NDUFS2: variants seen among roughly 807,000 people sequenced by gnomAD.
NDUFS2 encodes NADH:ubiquinone oxidoreductase core subunit S2.
NDUFS2 carries 38 observed loss-of-function variants against 69.6 expected under a neutral mutation model. That is an observed-to-expected ratio of 0.55 (90% CI 0.42 to 0.72). The LOEUF is 0.72. Ranked by LOEUF, NDUFS2 falls within the 30% of genes least tolerant of loss-of-function variation. The probability of loss-of-function intolerance (pLI) is 0.00; values close to 1 mark genes in which losing one functional copy is unlikely to be tolerated. For missense variants in NDUFS2, 468 were observed against 595.0 expected (o/e 0.79, Z 2.22); for synonymous variants, 194 against 211.2 (o/e 0.92, Z 0.70).
chr1:161,214,113 G>C (rs1355843065), intron 13 of NDUFS2, 43 bp from the exon 14 acceptor site: 1 of 1,613,884 alleles, frequency 6.2e-7, no homozygotes, highest in Non-Finnish European at 8.5e-7. Flanking sequence ...CTCACAACAG[G>C]AAGATAAGTA....
chr1:161,213,848 A>T lies in NDUFS2; in HGVS notation c.1297-16A>T, dbSNP rs1291525025. ...GCAAGTCTTAACTAACATTGTTGCC[A>T]TCTCAATCTCCCTAGGCTGGTTTGG... On this transcript the variant is annotated splice_polypyrimidine_tract_variant and intron_variant, in intron 12 of 13. Coordinates refer to ENST00000676972, the MANE Select transcript of NDUFS2 (RefSeq NM_001377299.1). 6.2e-7 allele frequency: 1 copy of T among 1,614,116 alleles called. No homozygotes were observed.
At chr1:161,214,080 A>G (rs1665919360) in intron 13 of NDUFS2, 76 bp from the exon 14 acceptor site, 1 of 1,613,534 alleles carries the variant, frequency 6.2e-7, no homozygotes, top group South Asian at 1.1e-5. Context: ...CTTGGGTAAC[A>G]CCACTTTTTT....
At chr1:161,203,046 C>G (rs759049459) in intron 1 of NDUFS2, among the ~76,000 whole-genome samples, 3 of 152,140 alleles carry the variant, frequency 2.0e-5, no homozygotes, top group Non-Finnish European at 4.4e-5. Context: ...GTGGCTCACA[C>G]CTGTAATCCC....
chr1:161,206,419 C>T lies in NDUFS2; in HGVS notation c.215C>T (p.Pro72Leu), dbSNP rs1163940367. Reference protein sequence around the residue: ...KPPPWNDVDPPKDTIVKNITL... With the variant: ...KPPPWNDVDPLKDTIVKNITL... ...TCTTACTTCTCAGATGTGGACCCTC[C>T]AAAGGACACAATTGTGAAGAACATT... Residue 72 changes from proline to leucine, a missense_variant, in exon 3 of 14, where the codon CCA (proline) becomes CTA (leucine). Pro to Leu is a moderately conservative substitution (Grantham distance 98). Transcript: ENST00000676972. 2 of 1,614,224 alleles carry T rather than the reference C, an allele frequency of 1.2e-6. No homozygotes were observed. Among genetic ancestry groups the T allele is most frequent in the South Asian group, 2.2e-5 (2 of 91,084 alleles).
chr1:161,206,083 AG>A (rs2102036602), intron 2 of NDUFS2, among the ~76,000 whole-genome samples: 1 of 152,338 alleles, frequency 6.6e-6, no homozygotes, highest in East Asian at 1.9e-4. Context: ...AAAGTGCCTA[AG>A]GTAGTGCCTG....
At chr1:161,204,673 T>G (rs1665357996) in intron 2 of NDUFS2, among the ~76,000 whole-genome samples, 2 of 152,216 alleles carry the variant, frequency 1.3e-5, no homozygotes, top group Admixed American at 6.5e-5. Flanking sequence ...GCTTACCATT[T>G]GCCAAACATT....
chr1:161,198,727 G>A, upstream of NDUFS2: 1 of 1,178,938 alleles, frequency 8.5e-7, no homozygotes, highest in African/African-American at 1.5e-5. This position sits in a 1 kb window ranked among gnomAD's most constrained non-coding sequence, Gnocchi z 4.7. Context: ...TGGGGGCTTG[G>A]ACTCCTGCCA....
chr1:161,201,993 T>C, upstream of NDUFS2: 1 of 352,628 alleles, frequency 2.8e-6, no homozygotes, highest in Admixed American at 3.9e-5. Context: ...TCAGATACAA[T>C]CCGAGAGCAG....
chr1:161,205,658 C>T (rs140453429), intron 2 of NDUFS2, among the ~76,000 whole-genome samples: 15 of 152,028 alleles, frequency 9.9e-5, no homozygotes, highest in African/African-American at 3.4e-4. Context: ...GTCCCAGCTA[C>T]TCTGGAGGCT....
chr1:161,212,567 T>C, intron 10 of NDUFS2, 87 bp downstream of exon 10: 1 of 1,546,200 alleles, frequency 6.5e-7, no homozygotes, highest in Non-Finnish European at 8.7e-7. Flanking sequence ...TCCTATCTTT[T>C]GGTTTTCTTT....
At chr1:161,212,264 C>A in intron 9 of NDUFS2, 87 bp from the exon 10 acceptor site, 1 of 1,565,604 alleles carries the variant, frequency 6.4e-7, no homozygotes, top group Admixed American at 1.7e-5. Context: ...TGACCTAACC[C>A]TTTTGAGGTT....
chr1:161,207,744 TA>T (rs767558550), intron 3 of NDUFS2, among the ~76,000 whole-genome samples: 174 of 142,968 alleles, frequency 1.2e-3, no homozygotes, highest in African/African-American at 3.4e-3. Context: ...AAAAAAAGAT[TA>T]AAAAAAAAAA....
In NDUFS2 at chr1:161,213,938, G is replaced by A; in HGVS notation, c.1354+17G>A. 1 of 1,614,190 alleles carries A rather than the reference G, an allele frequency of 6.2e-7. No individual in the cohort carries two copies. The highest frequency in any genetic ancestry group is 8.5e-7 in the Non-Finnish European group (1 of 1,180,032). On this transcript the variant is annotated intron_variant, in intron 13 of 13. Transcript: ENST00000676972. ...CCATCATAGGTACGAGGCCTATTGT[G>A]TAGTAGAGGTATCCTAGACAAAGGA...
chr1:161,214,040 A>G, intron 13 of NDUFS2, 116 bp from the exon 14 acceptor site: 1 of 1,613,384 alleles, frequency 6.2e-7, no homozygotes, highest in Non-Finnish European at 8.5e-7. Context: ...CGGGTCCTCA[A>G]TCTTTTGAGC....
At chr1:161,204,659 G>A (rs77017891) in intron 2 of NDUFS2, among the ~76,000 whole-genome samples, 5 of 152,136 alleles carry the variant, frequency 3.3e-5, no homozygotes, top group Non-Finnish European at 7.4e-5. Flanking sequence ...AACAATAGCT[G>A]AGTGCTTACC....
At position 161,213,647 on chromosome 1, in the gene NDUFS2, AG is replaced by A. The variant is rs1387618548; in HGVS notation, c.1214del. 1 of 1,614,052 alleles carries A rather than the reference AG, an allele frequency of 6.2e-7. No individual in the cohort carries two copies. Among genetic ancestry groups the A allele is most frequent in the African/African-American group, 1.3e-5 (1 of 74,936 alleles). ...AGACACCCAACCTTCTTCCTTGAAC[AG>A]GGAGAGTTTGGGGTGTACCTGGTGT... is the stretch of plus-strand genomic sequence containing the variant. On this transcript the variant is annotated splice_acceptor_variant, in intron 11 of 13. Transcript: ENST00000676972. LOFTEE classifies it high-confidence loss of function.
chr1:161,202,182 C>T (rs1413070783), upstream of NDUFS2: 2 of 625,340 alleles, frequency 3.2e-6, no homozygotes, highest in Non-Finnish European at 5.8e-6. Flanking sequence ...GAAACGCCCT[C>T]AGTAAAGATG....
chr1:161,201,029 C>T (rs1665094144), upstream of NDUFS2, among the ~76,000 whole-genome samples: 1 of 152,194 alleles, frequency 6.6e-6, no homozygotes, highest in South Asian at 2.1e-4. Flanking sequence ...TAAATGCAGT[C>T]CTTCCCATCC....
At chr1:161,202,778 C>G (rs570662329) in intron 1 of NDUFS2, among the ~76,000 whole-genome samples, 18 of 152,188 alleles carry the variant, frequency 1.2e-4, no homozygotes, top group Non-Finnish European at 2.5e-4. Context: ...CCAGAATGCT[C>G]GCTGTCTCTC....
Sources: gnomAD v4.1 joint callset for allele counts (sites outside exome capture counted in the v4.1 genomes callset) on GRCh38, gnomAD v4.1.1 for gene constraint, Gnocchi (gnomAD v3.1) non-coding constraint, MANE v1.5 for transcripts, NCBI Gene and HGNC (gene_info 2026-07-23, HGNC 2026-07-21) for gene names.